EPS8: variants seen among roughly 807,000 people sequenced by gnomAD.
EPS8 encodes the protein EGFR pathway substrate 8, signaling adaptor, also known as epidermal growth factor receptor kinase substrate 8.
In EPS8, 42 loss-of-function variants were observed where a neutral mutation model predicts 103.8. The observed-to-expected ratio is 0.40, with a 90% CI of 0.32 to 0.52. EPS8 has a LOEUF of 0.52. Ranked by LOEUF, EPS8 falls within the 20% of genes least tolerant of loss-of-function variation. The pLI, the probability that EPS8 is intolerant of heterozygous loss-of-function variation, is 0.40. For synonymous variants in EPS8, 344 were observed against 344.6 expected (o/e 1.00, Z 0.02); for missense variants, 969 against 1,005.1 (o/e 0.96, Z 0.49).
At chr12:15,677,236 A>G (rs1372249559) in intron 3 of EPS8, among the ~76,000 whole-genome samples, 1 of 152,132 alleles carries the variant, frequency 6.6e-6, no homozygotes, top group East Asian at 1.9e-4. Flanking sequence ...TAAACTTACC[A>G]CAGAATTATT....
intron 15 of EPS8, among the ~76,000 whole-genome samples, chr12:15,642,493 A>C (rs578248828): frequency 2.0e-5 from 3 of 152,152 alleles, no homozygotes; most frequent in Non-Finnish European, 4.4e-5. Flanking sequence ...AAAAAACCAA[A>C]TACCTCTTCT....
chr12:15,744,564 T>C (rs1267477616), intron 1 of EPS8, among the ~76,000 whole-genome samples: 1 of 152,226 alleles, frequency 6.6e-6, no homozygotes, highest in Non-Finnish European at 1.5e-5. Context: ...GCTTTACATA[T>C]TTAATAATTT....
At chr12:15,726,385 T>A (rs767829758) in intron 1 of EPS8, among the ~76,000 whole-genome samples, 2 of 151,578 alleles carry the variant, frequency 1.3e-5, no homozygotes, top group Non-Finnish European at 2.9e-5. Flanking sequence ...AGGAAGAAAA[T>A]CTTAAAAACA....
At chr12:15,643,951 A>T (rs1945276871) in intron 15 of EPS8, among the ~76,000 whole-genome samples, 1 of 152,208 alleles carries the variant, frequency 6.6e-6, no homozygotes, top group Non-Finnish European at 1.5e-5. Flanking sequence ...TGGGCTCTAA[A>T]TTCAACAAAT....
intron 1 of EPS8, among the ~76,000 whole-genome samples, chr12:15,753,071 C>T (rs956820302): frequency 6.6e-6 from 1 of 151,640 alleles, no homozygotes; most frequent in East Asian, 1.9e-4. Flanking sequence ...GCTGCAAATC[C>T]AGGGCTGAAC....
Position 15,660,739 on chromosome 12 carries a change from T to A in EPS8, c.812A>T (p.Gln271Leu). The change falls in exon 10 of 21, where the codon CAA becomes CTA. Residue 271 changes from glutamine (Q) to leucine (L), a missense_variant and splice_region_variant. Physicochemically the swap from Gln to Leu is moderately radical, Grantham distance 113. Transcript: ENST00000281172. ...GTCATCCAAAATGTGGTTTAAGATT[T>A]GCTGAAATTAGAAATTATAGAATAA... ...MMAARIDRDV[Q>L]ILNHILDDIE... is the part of the protein sequence containing the mutation. The A allele has an allele frequency of 6.4e-7, 1 of 1,563,704 alleles. No individual in the cohort carries two copies. Among genetic ancestry groups the A allele is most frequent in the African/African-American group, 1.4e-5 (1 of 73,300 alleles).
At chr12:15,625,575 T>C (rs570117639) in intron 18 of EPS8, among the ~76,000 whole-genome samples, 1 of 152,290 alleles carries the variant, frequency 6.6e-6, no homozygotes, top group East Asian at 1.9e-4. Flanking sequence ...TCTACTACAC[T>C]TTGCTAAACT....
At position 15,681,296 on chromosome 12, in the gene EPS8, G is replaced by A. The variant is rs757502817; in HGVS notation, c.66C>T (p.Tyr22=). Residue 22 remains tyrosine, a synonymous_variant, in exon 3 of 21, where the codon TAC becomes TAT. Transcript: ENST00000281172. ...TCTGGGAAAAGGTAGGTGATGATCC[G>A]TAGCCACTGTAATAATAATAATAAT... is the stretch of plus-strand genomic sequence containing the variant. ...FGMYPSQMNG[Y]GSSPTFSQTD... The A allele has an allele frequency of 2.2e-5, 30 of 1,362,292 alleles. No individual in the cohort carries two copies. The Admixed American group carries it at 4.4e-4, about 20-fold the overall frequency. The allele number at this position is 1,362,292 out of a possible 1,614,324, so 84.4% of individuals were successfully genotyped here.
At chr12:15,644,090 A>G (rs1781439271) in intron 15 of EPS8, among the ~76,000 whole-genome samples, 1 of 152,156 alleles carries the variant, frequency 6.6e-6, no homozygotes, top group Admixed American at 6.5e-5. Flanking sequence ...TCATAACCTA[A>G]TTTAGTAGGT....
In EPS8 at chr12:15,624,358, C is replaced by A; in HGVS notation, c.2094G>T (p.Leu698=). 6.2e-7 allele frequency: 1 copy of A among 1,605,254 alleles called. No homozygotes were observed. The highest frequency in any genetic ancestry group is 8.5e-7 in the Non-Finnish European group (1 of 1,174,136). ...EEVQDELIHR[L]TIGRSAAQKK... ...TCTGAGCGGCACTCCGACCAATGGT[C>A]AGTCTGTGGATGAGTTCATCTTGCA... The change falls in exon 19 of 21, where the codon CTG becomes CTT. Residue 698 remains leucine (L), a synonymous_variant. Coordinates refer to ENST00000281172, the MANE Select transcript of EPS8 (RefSeq NM_004447.6).
At chr12:15,732,012 T>G (rs1167558993) in intron 1 of EPS8, among the ~76,000 whole-genome samples, 2 of 152,182 alleles carry the variant, frequency 1.3e-5, no homozygotes, top group East Asian at 3.9e-4. Flanking sequence ...GGCTACTACT[T>G]AAATAACTGC....
intron 1 of EPS8, among the ~76,000 whole-genome samples, chr12:15,773,817 A>G (rs1947179885): frequency 6.6e-6 from 1 of 152,138 alleles, no homozygotes; most frequent in South Asian, 2.1e-4. Flanking sequence ...CAATCAGGGG[A>G]AGTCAATGTC....
chr12:15,669,646 T>A lies in EPS8; in HGVS notation c.366+18A>T. On this transcript the variant is annotated intron_variant, in intron 5 of 20. Coordinates refer to ENST00000281172, the MANE Select transcript of EPS8 (RefSeq NM_004447.6). The stretch of plus-strand genomic sequence containing the variant: ...GGAGTTTCTTGAAAATAAAATAGTA[T>A]AAATTTTACACACTTGCCTTTGATT... 1.3e-6 allele frequency: 2 copies of A among 1,573,906 alleles called. No homozygotes were observed. The highest frequency in any genetic ancestry group is 1.7e-6 in the Non-Finnish European group (2 of 1,160,524).
rs1256055969 is a variant in EPS8, at chr12:15,757,410, C to G, written c.-22+31751G>C. ...CTTTGGGAGGCTGAGGTGGGCAGAT[C>G]ACAAAGTCAGGAGATCGAGACCATC... On this transcript the variant is annotated intron_variant, in intron 1 of 20. Transcript: ENST00000281172. This position sits in a 1 kb window ranked among gnomAD's most constrained non-coding sequence, Gnocchi z 4.1. 6.6e-6 allele frequency among the ~76,000 whole-genome samples: 1 copy of G among 152,134 alleles called. No homozygotes were observed. The highest frequency in any genetic ancestry group is 1.5e-5 in the Non-Finnish European group (1 of 68,022).
chr12:15,697,718 AG>A lies in EPS8; in HGVS notation c.-21-14747del, dbSNP rs1163228095. Among the ~76,000 whole-genome samples, 1 of 152,206 alleles carries A rather than the reference AG, an allele frequency of 6.6e-6. No homozygotes were observed. The highest frequency in any genetic ancestry group is 1.5e-5 in the Non-Finnish European group (1 of 68,032). ...TTTTTCTTCTTTTGCCAAAAATTACAGATGATAGTCCTACATCTGTATAAAA... is the reference window on the plus strand; with the variant it reads ...TTTTTCTTCTTTTGCCAAAAATTACAATGATAGTCCTACATCTGTATAAAA... On this transcript the variant is annotated intron_variant, in intron 1 of 20. Transcript: ENST00000281172. This position sits in a 1 kb window ranked among gnomAD's most constrained non-coding sequence, Gnocchi z 5.6.
intron 13 of EPS8, among the ~76,000 whole-genome samples, chr12:15,652,729 T>C (rs573117282): frequency 5.0e-4 from 76 of 152,214 alleles, no homozygotes; most frequent in South Asian, 2.3e-3. Flanking sequence ...AAGCAACAAC[T>C]GCAATGCTTT....
intron 6 of EPS8, among the ~76,000 whole-genome samples, chr12:15,667,668 T>C (rs1347289833): frequency 1.3e-5 from 2 of 152,106 alleles, no homozygotes; most frequent in Non-Finnish European, 2.9e-5. Context: ...TGAAGTCCTA[T>C]AATAAAGAAA....
intron 12 of EPS8, among the ~76,000 whole-genome samples, chr12:15,654,738 C>G (rs1160530186): frequency 6.6e-6 from 1 of 152,100 alleles, no homozygotes; most frequent in East Asian, 1.9e-4. Context: ...AGTTAACAGT[C>G]TATGGCTGTG....
intron 3 of EPS8, among the ~76,000 whole-genome samples, chr12:15,680,439 C>A (rs1357830192): frequency 6.6e-6 from 1 of 152,040 alleles, no homozygotes; most frequent in Admixed American, 6.6e-5. Context: ...TCATTTCAAC[C>A]CTGTGAGATA....
Sources: gnomAD v4.1 joint callset for allele counts (sites outside exome capture counted in the v4.1 genomes callset) on GRCh38, gnomAD v4.1.1 for gene constraint, Gnocchi (gnomAD v3.1) non-coding constraint, MANE v1.5 for transcripts, NCBI Gene and HGNC (gene_info 2026-07-23, HGNC 2026-07-21) for gene names.